Variants in WDR25 observed in about 807,000 individuals in gnomAD.
The protein encoded by WDR25 is WD repeat-containing protein 25.
WDR25 carries 35 observed loss-of-function variants against 47.7 expected under a neutral mutation model. That is an observed-to-expected ratio of 0.73 (90% CI 0.56 to 0.97). The LOEUF is 0.97. WDR25 is among the 50% of genes least tolerant of loss of function. The pLI is 0.00. For missense variants in WDR25, 634 were observed against 704.7 expected (o/e 0.90, Z 1.14); for synonymous variants, 248 against 278.9 (o/e 0.89, Z 1.10).
rs377196411 is a variant in WDR25 at position 100,498,627 on chromosome 14, T to C, written c.1101+14503T>C. 3.9e-5 allele frequency among the ~76,000 whole-genome samples: 6 copies of C among 152,256 alleles called. No homozygotes were observed. In the East Asian group the frequency reaches 5.8e-4, roughly 15 times the overall value. Reference sequence around the variant, plus strand: ...CCAGTTGGTGGCCCAGCCAGAAACCTCTGCAGCAGCTTTAGGGTCTCCCTT... The same window carrying C: ...CCAGTTGGTGGCCCAGCCAGAAACCCCTGCAGCAGCTTTAGGGTCTCCCTT... On this transcript the variant is annotated intron_variant, in intron 4 of 6. Transcript: ENST00000402312. The surrounding 1 kb of genome is among the most constrained non-coding windows in gnomAD (Gnocchi z 4.2).
rs1290024917 is a variant in WDR25, at chr14:100,484,059, C to T, written c.1036C>T (p.His346Tyr). The stretch of plus-strand genomic sequence containing the variant: ...TACCTTGAAATTCCATCCAAAAGAC[C>T]ACAACATCTTTTTATGTGGAGGCTT... Reference protein sequence around the residue: ...ITTLKFHPKDHNIFLCGGFSS... With the variant: ...ITTLKFHPKDYNIFLCGGFSS... Residue 346 changes from histidine to tyrosine, a missense_variant, in exon 4 of 7, where the codon CAC becomes TAC. Transcript: ENST00000402312. 2 of 1,613,376 alleles carry T rather than the reference C, an allele frequency of 1.2e-6. No homozygotes were observed. The highest frequency in any genetic ancestry group is 4.5e-5 in the East Asian group (2 of 44,856).
At chr14:100,512,308 T>C (rs147924007) in intron 4 of WDR25, among the ~76,000 whole-genome samples, 2 of 152,306 alleles carry the variant, frequency 1.3e-5, no homozygotes, top group East Asian at 3.9e-4. Flanking sequence ...TTTCTATTAA[T>C]CTTTGAGTGA....
At chr14:100,472,130 C>T (rs1899859811) in intron 3 of WDR25, among the ~76,000 whole-genome samples, 1 of 152,256 alleles carries the variant, frequency 6.6e-6, no homozygotes, top group Admixed American at 6.5e-5. Context: ...ACCCTCGAGG[C>T]TGCAGCTGTA....
At chr14:100,524,433 C>T (rs1387536274) in intron 4 of WDR25, among the ~76,000 whole-genome samples, 3 of 152,130 alleles carry the variant, frequency 2.0e-5, no homozygotes, top group Admixed American at 2.0e-4. Flanking sequence ...ATATCAAGGC[C>T]ATGTGGGAGG....
intron 3 of WDR25, among the ~76,000 whole-genome samples, chr14:100,478,712 A>G (rs1367894411): frequency 6.6e-6 from 1 of 152,262 alleles, no homozygotes; most frequent in Non-Finnish European, 1.5e-5. Flanking sequence ...AGGAAAAAAT[A>G]ACATTCAGAT....
In WDR25 at chr14:100,380,892, G is replaced by T; in HGVS notation, c.-15-18G>T. 6.3e-7 allele frequency: 1 copy of T among 1,595,172 alleles called. No homozygotes were observed. Among genetic ancestry groups the T allele is most frequent in the South Asian group, 1.1e-5 (1 of 89,436 alleles). On this transcript the variant is annotated intron_variant, in intron 1 of 6. Transcript: ENST00000402312. ...CTTCCATGCACATTTTCTGACGGTT[G>T]ACCTTGTTTGATCTTAGGTGGTTTG...
chr14:100,438,203 G>C (rs1898559767), intron 2 of WDR25, among the ~76,000 whole-genome samples: 1 of 152,208 alleles, frequency 6.6e-6, no homozygotes, highest in South Asian at 2.1e-4. Flanking sequence ...CAGGCACGTA[G>C]TGAAATAATT....
At chr14:100,448,193 C>CAAAA (rs111428141) in intron 2 of WDR25, among the ~76,000 whole-genome samples, 12 of 109,976 alleles carry the variant, frequency 1.1e-4, no homozygotes, top group South Asian at 3.1e-4. Flanking sequence ...AACTCCGTCT[C>CAAAA]AAAAAAAAAA....
intron 2 of WDR25, among the ~76,000 whole-genome samples, chr14:100,458,845 G>A (rs1156540372): frequency 1.3e-5 from 2 of 152,156 alleles, no homozygotes; most frequent in Non-Finnish European, 2.9e-5. Flanking sequence ...ATTTGGAATG[G>A]AATGCAAATG....
chr14:100,512,060 T>C (rs2140364995), intron 4 of WDR25, among the ~76,000 whole-genome samples: 1 of 152,294 alleles, frequency 6.6e-6, no homozygotes, highest in South Asian at 2.1e-4. Flanking sequence ...GATCTGAACT[T>C]TTTTTATTAT....
chr14:100,518,310 T>G (rs1330636542), intron 4 of WDR25, among the ~76,000 whole-genome samples: 1 of 152,198 alleles, frequency 6.6e-6, no homozygotes, highest in Non-Finnish European at 1.5e-5. Flanking sequence ...TGTTTTCTGG[T>G]CTCCATAGTT....
chr14:100,471,615 G>A (rs1013825290), intron 3 of WDR25, among the ~76,000 whole-genome samples: 1 of 152,208 alleles, frequency 6.6e-6, no homozygotes, highest in Non-Finnish European at 1.5e-5. Context: ...CCAGGAGAAG[G>A]CAGTGCAGGG....
rs1375456563 is a variant in WDR25 at position 100,404,946 on chromosome 14, T to A, written c.822+23200T>A. ...GCCCTTCCTCTTAACCCTCCTACCT[T>A]GTGTCCCCATGCTAGTTCTGTCTTT... On this transcript the variant is annotated intron_variant, in intron 2 of 6. Transcript: ENST00000402312. The surrounding 1 kb of genome is among the most constrained non-coding windows in gnomAD (Gnocchi z 4.6). 6.6e-6 allele frequency among the ~76,000 whole-genome samples: 1 copy of A among 152,146 alleles called. No homozygotes were observed. Among genetic ancestry groups the A allele is most frequent in the Non-Finnish European group, 1.5e-5 (1 of 68,030 alleles).
At chr14:100,413,991 G>A (rs1220068837) in intron 2 of WDR25, among the ~76,000 whole-genome samples, 1 of 145,384 alleles carries the variant, frequency 6.9e-6, no homozygotes, top group Non-Finnish European at 1.5e-5. Context: ...GCCGTTAGAG[G>A]TAGTTCATTT....
At chr14:100,427,284 G>C (rs1047465488) in intron 2 of WDR25, among the ~76,000 whole-genome samples, 10 of 152,130 alleles carry the variant, frequency 6.6e-5, no homozygotes, top group Non-Finnish European at 1.5e-4. Flanking sequence ...ATGCCCCCCA[G>C]CTGCATTAGA....
At chr14:100,431,563 T>C (rs185216693) in intron 2 of WDR25, among the ~76,000 whole-genome samples, 6 of 152,048 alleles carry the variant, frequency 3.9e-5, no homozygotes, top group East Asian at 3.9e-4. Flanking sequence ...TTTTTTTTTT[T>C]TGAGACAGAG....
intron 2 of WDR25, among the ~76,000 whole-genome samples, chr14:100,461,324 T>C (rs1464456541): frequency 1.3e-5 from 2 of 152,210 alleles, no homozygotes; most frequent in African/African-American, 4.8e-5. Context: ...ATATCCAAAA[T>C]TAATTGTATT....
intron 2 of WDR25, chr14:100,454,391 G>C: frequency 7.8e-7 from 1 of 1,287,192 alleles, no homozygotes; most frequent in Non-Finnish European, 1.0e-6. Context: ...GAGGAGGTGG[G>C]GTGAAGTGTT....
chr14:100,466,886 A>G (rs569723838), intron 2 of WDR25, among the ~76,000 whole-genome samples: 1 of 152,210 alleles, frequency 6.6e-6, no homozygotes, highest in South Asian at 2.1e-4. Flanking sequence ...ACATATTCCA[A>G]ACTCTCCGGC....
Sources: allele counts gnomAD v4.1 joint callset (sites outside exome capture counted in the v4.1 genomes callset), GRCh38; gene constraint gnomAD v4.1.1; non-coding constraint Gnocchi (gnomAD v3.1); transcripts MANE v1.5; gene names NCBI Gene and HGNC (gene_info 2026-07-23, HGNC 2026-07-21).